The following GPRIN2 variants were observed in gnomAD, a reference collection of about 807,000 sequenced individuals.
The protein encoded by GPRIN2 is G protein-regulated inducer of neurite outgrowth 2.
Under a neutral mutation model 0.3 loss-of-function variants are expected in GPRIN2, and 1 was observed. The ratio of observed to expected loss-of-function variants is 3.90; its 90% CI spans 1.39 to 18.51. The LOEUF (loss-of-function observed/expected upper bound fraction) is 18.51, where lower values mean the gene tolerates loss of function less well. GPRIN2 is among the 30% of genes most tolerant of loss of function. The probability of loss-of-function intolerance (pLI) is 0.11; values close to 1 mark genes in which losing one functional copy is unlikely to be tolerated. For missense variants in GPRIN2, 880 were observed against 604.2 expected, an observed-to-expected ratio of 1.46 and a Z score of -4.79; for synonymous variants, 361 against 258.6, an observed-to-expected ratio of 1.40 and a Z score of -3.80.
chr10:46,551,430 G>C (rs572880297), intron 2 of GPRIN2: 2 of 985,534 alleles, frequency 2.0e-6, no homozygotes, highest in Non-Finnish European at 2.4e-6. Flanking sequence ...AGCTCCAGGG[G>C]CAAGGAGAGG....
At position 46,542,665 on chromosome 10, in the gene GPRIN2, TA is replaced by T. The variant is rs1841848532; in HGVS notation, c.*6694del. ...AATTACCCAGTCTCAGGCAGTTCTT[TA>T]TAGCAGCATGAAAATGGACTAATAT... On this transcript the variant is annotated 3_prime_UTR_variant, in exon 3 of 3. Coordinates refer to ENST00000374314, the MANE Select transcript of GPRIN2 (RefSeq NM_001385282.1). Among the ~76,000 whole-genome samples, 1 of 152,310 alleles carries T rather than the reference TA, an allele frequency of 6.6e-6. No homozygotes were observed. Among genetic ancestry groups the T allele is most frequent in the South Asian group, 2.1e-4 (1 of 4,838 alleles).
chr10:46,550,755 GA>G lies in GPRIN2; in HGVS notation c.-6-14del, dbSNP rs1369431053. On this transcript the variant is annotated splice_polypyrimidine_tract_variant and intron_variant, in intron 2 of 2. Transcript: ENST00000374314. The stretch of plus-strand genomic sequence containing the variant: ...AGCTCATGGCTGCCTGCAGAAGAGA[GA>G]AAGGGAGGGAGTGGAGTTGAGTTGG... 2.7e-6 allele frequency: 4 copies of G among 1,496,688 alleles called. No individual in the cohort carries two copies. Among genetic ancestry groups the G allele is most frequent in the Admixed American group, 2.4e-5 (1 of 42,056 alleles). The allele number at this position is 1,496,688 out of a possible 1,614,324, so 92.7% of individuals were successfully genotyped here. A position where few individuals can be genotyped will look rare whatever the true frequency, so the allele number is the denominator to read the frequency against.
rs1383419911 is a variant in GPRIN2 at position 46,544,302 on chromosome 10, A to T, written c.*5058T>A. Among the ~76,000 whole-genome samples, 2 of 152,312 alleles carry T rather than the reference A, an allele frequency of 1.3e-5. No individual in the cohort carries two copies. Among genetic ancestry groups the T allele is most frequent in the African/African-American group, 2.4e-5 (1 of 41,488 alleles). The stretch of plus-strand genomic sequence containing the variant: ...GTTCCCAATCTCCACAAGGGCAAGA[A>T]GGTAGAGTCCATACTTCTTTCTTGT... On this transcript the variant is annotated 3_prime_UTR_variant, in exon 3 of 3. Coordinates refer to ENST00000374314, the MANE Select transcript of GPRIN2 (RefSeq NM_001385282.1).
At chr10:46,553,064 C>T (rs1842790913) in intron 2 of GPRIN2, among the ~76,000 whole-genome samples, 1 of 152,312 alleles carries the variant, frequency 6.6e-6, no homozygotes, top group East Asian at 1.9e-4. Context: ...TCTCATATAA[C>T]TGTGCAAGCA....
rs1832671496 is a variant in GPRIN2 at position 46,549,579 on chromosome 10, A to T, written c.1158T>A (p.Ala386=). Residue 386 remains alanine (A), a synonymous_variant, in exon 3 of 3, where the codon GCT becomes GCA. Coordinates refer to ENST00000374314, the MANE Select transcript of GPRIN2 (RefSeq NM_001385282.1). ...CGTACACCTCCCATGTCATGCCCTC[A>T]GCATCCCATCGCACATCCCGCACAG... ...PSPVRDVRWD[A]EGMTWEVYGA... is the part of the protein sequence containing the mutation. The T allele has an allele frequency of 1.9e-6, 3 of 1,614,178 alleles. No individual in the cohort carries two copies. In the South Asian group the frequency reaches 3.3e-5, roughly 18 times the overall value.
upstream of GPRIN2, among the ~76,000 whole-genome samples, chr10:46,557,556 T>A (rs1831735795): frequency 1.3e-5 from 2 of 152,060 alleles, no homozygotes; most frequent in African/African-American, 4.8e-5. Flanking sequence ...CCACCTCCAC[T>A]GGAGCCCGCC....
At chr10:46,554,377 A>C (rs1321552370) in intron 2 of GPRIN2, among the ~76,000 whole-genome samples, 1 of 152,310 alleles carries the variant, frequency 6.6e-6, no homozygotes, top group African/African-American at 2.4e-5. Flanking sequence ...CCCAGAGCCT[A>C]TTTTAAATGT....
intron 2 of GPRIN2, among the ~76,000 whole-genome samples, chr10:46,554,145 GTGTT>G (rs1175029613): frequency 2.6e-5 from 4 of 152,306 alleles, no homozygotes; most frequent in Non-Finnish European, 5.9e-5. Context: ...GTCTGCAATA[GTGTT>G]TGTTAACAAT....
chr10:46,556,122 G>A (rs1843187742), intron 1 of GPRIN2, among the ~76,000 whole-genome samples: 1 of 152,304 alleles, frequency 6.6e-6, no homozygotes, highest in African/African-American at 2.4e-5. Flanking sequence ...TGCGGGACAG[G>A]AGAAGCCAAA....
Position 46,544,170 on chromosome 10 carries a change from T to TC in GPRIN2, c.*5189dup. On this transcript the variant is annotated 3_prime_UTR_variant, in exon 3 of 3. Coordinates refer to ENST00000374314, the MANE Select transcript of GPRIN2 (RefSeq NM_001385282.1). ...GCGGCCGGCTGCAGAGGGGCTCCAT[T>TC]CCCCTGACCCTCAGTCACTTCCCAG... Among the ~76,000 whole-genome samples, 1 of 152,304 alleles carries TC rather than the reference T, an allele frequency of 6.6e-6. No individual in the cohort carries two copies. The highest frequency in any genetic ancestry group is 1.5e-5 in the Non-Finnish European group (1 of 68,056).
intron 2 of GPRIN2, among the ~76,000 whole-genome samples, chr10:46,551,962 C>G (rs1391127186): frequency 1.1e-4 from 17 of 152,302 alleles, no homozygotes; most frequent in Non-Finnish European, 2.1e-4. Context: ...CAGCACTGAC[C>G]TGATGTGTCG....
chr10:46,550,504 G>C lies in GPRIN2; in HGVS notation c.233C>G (p.Ser78Cys). The change falls in exon 3 of 3, where the codon TCT (serine) becomes TGT (cysteine). Residue 78 changes from serine (S) to cysteine (C), a missense_variant. Coordinates refer to ENST00000374314, the MANE Select transcript of GPRIN2 (RefSeq NM_001385282.1). ...PPESMKPARA[S>C]GPKARPSAGG... ...AGCACTGGGTCGCGCCTTGGGGCCA[G>C]AGGCCCGTGCTGGCTTCATGCTCTC... 6.2e-7 allele frequency: 1 copy of C among 1,606,952 alleles called. No individual in the cohort carries two copies. Among genetic ancestry groups the C allele is most frequent in the Non-Finnish European group, 8.5e-7 (1 of 1,175,988 alleles).
chr10:46,557,307 A>G (rs1843353713), upstream of GPRIN2, among the ~76,000 whole-genome samples: 1 of 152,290 alleles, frequency 6.6e-6, no homozygotes, highest in African/African-American at 2.4e-5. Flanking sequence ...ACCTCACTCC[A>G]GTCCTTTGAA....
rs1228042472 is a variant in GPRIN2 at position 46,547,729 on chromosome 10, G to C, written c.*1631C>G. On this transcript the variant is annotated 3_prime_UTR_variant, in exon 3 of 3. Coordinates refer to ENST00000374314, the MANE Select transcript of GPRIN2 (RefSeq NM_001385282.1). ...AGGCATGAAGATGGCATATACCCAT[G>C]TGTCACTCCCCAGAACGTGAGCTGC... 6.6e-6 allele frequency among the ~76,000 whole-genome samples: 1 copy of C among 152,308 alleles called. No homozygotes were observed. The highest frequency in any genetic ancestry group is 1.5e-5 in the Non-Finnish European group (1 of 68,056).
At position 46,544,881 on chromosome 10, in the gene GPRIN2, C is replaced by A. The variant is rs1842019933; in HGVS notation, c.*4479G>T. Among the ~76,000 whole-genome samples, 1 of 152,304 alleles carries A rather than the reference C, an allele frequency of 6.6e-6. No homozygotes were observed. The highest frequency in any genetic ancestry group is 2.1e-4 in the South Asian group (1 of 4,836). On this transcript the variant is annotated 3_prime_UTR_variant, in exon 3 of 3. Transcript: ENST00000374314. ...TGATGACCGTGTGGATTTGGAGGGA[C>A]CTGGGAATCTCACAGACCTATGGGA...
In GPRIN2 at chr10:46,550,529, C is replaced by T. The variant is rs1832339157; in HGVS notation, c.208G>A (p.Glu70Lys). 6.3e-6 allele frequency: 10 copies of T among 1,595,526 alleles called. No homozygotes were observed. The South Asian group carries it at 6.8e-5, about 11-fold the overall frequency. ...QAPEEEGNPP[E>K]SMKPARASGP... Reference sequence around the variant, plus strand: ...GAGGCCCGTGCTGGCTTCATGCTCTCAGGCGGGTTCCCCTCTTCCTCCGGG... The same window carrying T: ...GAGGCCCGTGCTGGCTTCATGCTCTTAGGCGGGTTCCCCTCTTCCTCCGGG... The change falls in exon 3 of 3, where the codon GAG (glutamate) becomes AAG (lysine). Residue 70 changes from glutamate to lysine, a missense_variant. Glu to Lys is a moderately conservative substitution (Grantham distance 56). Coordinates refer to ENST00000374314, the MANE Select transcript of GPRIN2 (RefSeq NM_001385282.1).
rs782093685 is a variant in GPRIN2 at position 46,550,079 on chromosome 10, G to T, written c.658C>A (p.Gln220Lys). 1.2e-6 allele frequency: 2 copies of T among 1,613,476 alleles called. No individual in the cohort carries two copies. The highest frequency in any genetic ancestry group is 2.2e-5 in the South Asian group (2 of 91,068). Residue 220 changes from glutamine to lysine, a missense_variant, in exon 3 of 3, where the codon CAG becomes AAG. Physicochemically the swap from Gln to Lys is moderately conservative, Grantham distance 53 (BLOSUM62 1). Transcript: ENST00000374314. ...GCATGGCAGGTGGTGGTAGCCAGCT[G>T]TTCAGCAGCTTTGGGCTCAGCCTGG... is the stretch of plus-strand genomic sequence containing the variant. ...SAQAEPKAAE[Q>K]LATTTCHALP... is the part of the protein sequence containing the mutation.
In GPRIN2 at chr10:46,550,597, A is replaced by ATGGTG; in HGVS notation, c.139_140insCACCA (p.Val47AlafsTer28). The ATGGTG allele has an allele frequency of 6.3e-7, 1 of 1,586,518 alleles. No homozygotes were observed. The highest frequency in any genetic ancestry group is 1.3e-5 in the African/African-American group (1 of 74,480). On this transcript the variant is annotated frameshift_variant, in exon 3 of 3. Transcript: ENST00000374314. LOFTEE classifies it low-confidence loss of function (END_TRUNC). ...GGCCTCGCCCAGCTGGGCCTGCCAC[A>ATGGTG]CGGTGCTGCTGGCAGTCTTGCGGAG...
chr10:46,553,260 G>A (rs1273231817), intron 2 of GPRIN2, among the ~76,000 whole-genome samples: 4 of 152,308 alleles, frequency 2.6e-5, no homozygotes, highest in South Asian at 2.1e-4. Context: ...CCTGCCAATC[G>A]TGCTCATGAC....
Sources: gnomAD v4.1 joint callset for allele counts (sites outside exome capture counted in the v4.1 genomes callset) on GRCh38, gnomAD v4.1.1 for gene constraint, MANE v1.5 for transcripts, NCBI Gene and HGNC (gene_info 2026-07-23, HGNC 2026-07-21) for gene names.